Variants in SAP130 observed in about 807,000 individuals in gnomAD.
SAP130 encodes histone deacetylase complex subunit SAP130.
Under a neutral mutation model 103.2 loss-of-function variants are expected in SAP130, and 16 were observed. The ratio of observed to expected loss-of-function variants is 0.16; its 90% CI spans 0.10 to 0.24. The LOEUF is 0.24. Among genes scored for constraint, SAP130 ranks in the 10% least tolerant of loss-of-function variants. The pLI is 1.00. For missense variants in SAP130, 990 were observed against 1,359.7 expected (o/e 0.73, Z 4.28); for synonymous variants, 477 against 497.0 (o/e 0.96, Z 0.53).
At chr2:128,014,475 T>G (rs1684629869) in intron 5 of SAP130, among the ~76,000 whole-genome samples, 1 of 151,978 alleles carries the variant, frequency 6.6e-6, no homozygotes, top group Non-Finnish European at 1.5e-5. Flanking sequence ...TAGATGGGAC[T>G]ACAGACGCAT....
At chr2:128,015,520 GA>G (rs1684709811) in intron 4 of SAP130, among the ~76,000 whole-genome samples, 1 of 152,060 alleles carries the variant, frequency 6.6e-6, no homozygotes, top group South Asian at 2.1e-4. Context: ...AATGTGAAGG[GA>G]AAGTTTTTAG....
At chr2:128,005,395 T>A (rs1683881210) in intron 7 of SAP130, among the ~76,000 whole-genome samples, 1 of 152,048 alleles carries the variant, frequency 6.6e-6, no homozygotes, top group African/African-American at 2.4e-5. Flanking sequence ...GGTGGGTAAA[T>A]CACCTGAGGT....
Position 127,963,308 on chromosome 2 carries a change from T to C in SAP130, c.2064-7964A>G, listed in dbSNP as rs763214801. Among the ~76,000 whole-genome samples the C allele has an allele frequency of 1.9e-4, 29 of 152,254 alleles. No homozygotes were observed. The Middle Eastern group carries it at 0.01, about 54-fold the overall frequency. On this transcript the variant is annotated intron_variant, in intron 15 of 20. Coordinates refer to ENST00000643581, the MANE Select transcript of SAP130 (RefSeq NM_001330301.2). Reference sequence around the variant, plus strand: ...ACAGCGGCATGATGCTGGCTCACTGTAGCCTCGACCTCCCAGACTCAAGCA... The same window carrying C: ...ACAGCGGCATGATGCTGGCTCACTGCAGCCTCGACCTCCCAGACTCAAGCA...
rs1683449983 is a variant in SAP130 at position 128,000,125 on chromosome 2, T to C, written c.1039A>G (p.Thr347Ala). ...MAQKTIFSTG[T>A]PVAAATVAPI... ...GCTACTGTGGCTGCAGCCACTGGCG[T>C]GCCAGTACTGAAGATTGTTTTCTGT... The change falls in exon 9 of 21, where the codon ACG (threonine) becomes GCG (alanine). Residue 347 changes from threonine to alanine, a missense_variant. Physicochemically the swap from Thr to Ala is moderately conservative, Grantham distance 58 (BLOSUM62 0). Transcript: ENST00000643581. 3.7e-6 allele frequency: 6 copies of C among 1,614,138 alleles called. No homozygotes were observed. Among genetic ancestry groups the C allele is most frequent in the Non-Finnish European group, 5.1e-6 (6 of 1,179,988 alleles).
chr2:127,978,914 T>C (rs765869011), intron 14 of SAP130, among the ~76,000 whole-genome samples: 1 of 152,088 alleles, frequency 6.6e-6, no homozygotes, highest in Admixed American at 6.5e-5. Context: ...ATAGAACAAG[T>C]GAAATTACTC....
chr2:127,969,162 G>C (rs552488663), intron 15 of SAP130, among the ~76,000 whole-genome samples: 1 of 152,256 alleles, frequency 6.6e-6, no homozygotes, highest in South Asian at 2.1e-4. Context: ...TGGGGTGGAG[G>C]TTGGCGGGGG....
rs753593765 is a variant in SAP130, at chr2:128,000,167, C to T, written c.1018-21G>A. The stretch of plus-strand genomic sequence containing the variant: ...GTTTTCTGTGAGGGAAACCCCACAA[C>T]ACAGTTATAAGAACATTATCCACTG... On this transcript the variant is annotated intron_variant, in intron 8 of 20. Coordinates refer to ENST00000643581, the MANE Select transcript of SAP130 (RefSeq NM_001330301.2). 17 of 1,612,090 alleles carry T rather than the reference C, an allele frequency of 1.1e-5. No individual in the cohort carries two copies. In the African/African-American group the frequency reaches 1.5e-4, roughly 14 times the overall value.
At chr2:128,011,367 T>C (rs1356771398) in intron 6 of SAP130, among the ~76,000 whole-genome samples, 1 of 152,248 alleles carries the variant, frequency 6.6e-6, no homozygotes, top group African/African-American at 2.4e-5. Flanking sequence ...ATACCCACCA[T>C]TATTCTTCGA....
intron 15 of SAP130, among the ~76,000 whole-genome samples, chr2:127,975,923 C>A (rs1681428658): frequency 6.6e-6 from 1 of 152,186 alleles, no homozygotes; most frequent in Non-Finnish European, 1.5e-5. Flanking sequence ...TGGCTCACTG[C>A]AAGCTCCGCC....
At chr2:127,956,325 G>C (rs1037354145) in intron 15 of SAP130, among the ~76,000 whole-genome samples, 1 of 152,120 alleles carries the variant, frequency 6.6e-6, no homozygotes, top group Non-Finnish European at 1.5e-5. Context: ...TATGAAAATA[G>C]GTTAGTGTAC....
chr2:128,000,000 C>T (rs1286828055), intron 9 of SAP130, 56 bp downstream of exon 9: 81 of 1,542,868 alleles, frequency 5.2e-5, no homozygotes, highest in Non-Finnish European at 6.8e-5. Flanking sequence ...AAAATTAACC[C>T]ATCACTCTTG....
Position 127,941,858 on chromosome 2 carries a change from G to A in SAP130, c.*148C>T. On this transcript the variant is annotated 3_prime_UTR_variant, in exon 21 of 21. Coordinates refer to ENST00000643581, the MANE Select transcript of SAP130 (RefSeq NM_001330301.2). ...TCAGCTCTGATCCTTTCACGCCCTTGGATGTCATGGGTTCCTCTGCTTTCA... is the reference window on the plus strand; with the variant it reads ...TCAGCTCTGATCCTTTCACGCCCTTAGATGTCATGGGTTCCTCTGCTTTCA... 2 of 730,222 alleles carry A rather than the reference G, an allele frequency of 2.7e-6. No individual in the cohort carries two copies. Among genetic ancestry groups the A allele is most frequent in the Non-Finnish European group, 4.5e-6 (2 of 440,156 alleles). The allele number at this position is 730,222 out of a possible 1,614,324, so 45.2% of individuals were successfully genotyped here.
intron 11 of SAP130, among the ~76,000 whole-genome samples, chr2:127,993,649 T>C (rs1227467912): frequency 6.6e-6 from 1 of 152,180 alleles, no homozygotes; most frequent in Admixed American, 6.5e-5. Flanking sequence ...CTCAAATTGG[T>C]TTTACTGGCC....
In SAP130 at chr2:127,955,406, T is replaced by A. The variant is rs940199971; in HGVS notation, c.2064-62A>T. The A allele has an allele frequency of 3.0e-6, 3 of 992,326 alleles. No individual in the cohort carries two copies. In the African/African-American group the frequency reaches 4.9e-5, roughly 16 times the overall value. 61.5% of individuals were successfully genotyped at this position (992,326 alleles called of 1,614,324 possible). A position where few individuals can be genotyped will look rare whatever the true frequency, so the allele number is the denominator to read the frequency against. The stretch of plus-strand genomic sequence containing the variant: ...AAAAAAACTGCCTTCATCTACAACA[T>A]CTCAGAGGATGAGTATTTGTCCAAT... On this transcript the variant is annotated intron_variant, in intron 15 of 20. Coordinates refer to ENST00000643581, the MANE Select transcript of SAP130 (RefSeq NM_001330301.2). The surrounding 1 kb of genome is among the most constrained non-coding windows in gnomAD (Gnocchi z 4.9).
chr2:127,989,961 G>T lies in SAP130; in HGVS notation c.1478-95C>A. 1 of 1,096,090 alleles carries T rather than the reference G, an allele frequency of 9.1e-7. No homozygotes were observed. The highest frequency in any genetic ancestry group is 1.3e-6 in the Non-Finnish European group (1 of 770,598). 67.9% of individuals were successfully genotyped at this position (1,096,090 alleles called of 1,614,324 possible). A position where few individuals can be genotyped will look rare whatever the true frequency, so the allele number is the denominator to read the frequency against. ...ACACTAAAAACGGATTTCCTCCACT[G>T]TATAAGATCTAAATCCATGGTTTGA... On this transcript the variant is annotated intron_variant, in intron 12 of 20. Coordinates refer to ENST00000643581, the MANE Select transcript of SAP130 (RefSeq NM_001330301.2). The surrounding 1 kb of genome is among the most constrained non-coding windows in gnomAD (Gnocchi z 4.6).
intron 11 of SAP130, among the ~76,000 whole-genome samples, chr2:127,994,058 A>C (rs1244809269): frequency 2.6e-5 from 4 of 152,206 alleles, no homozygotes; most frequent in African/African-American, 9.6e-5. Flanking sequence ...AGTACCATAT[A>C]AAGTTAAATA....
At chr2:127,962,473 C>T (rs1272451644) in intron 15 of SAP130, among the ~76,000 whole-genome samples, 1 of 152,178 alleles carries the variant, frequency 6.6e-6, no homozygotes, top group African/African-American at 2.4e-5. Context: ...GACTCAGAAC[C>T]AACCTAAATG....
intron 11 of SAP130, among the ~76,000 whole-genome samples, chr2:127,994,986 A>G (rs547317515): frequency 2.4e-4 from 37 of 152,360 alleles, no homozygotes; most frequent in Middle Eastern, 3.4e-3. Flanking sequence ...AAGCATTCCT[A>G]GACACAAATG....
intron 18 of SAP130, among the ~76,000 whole-genome samples, chr2:127,947,968 T>G (rs1679224030): frequency 1.3e-5 from 1 of 79,912 alleles, no homozygotes; most frequent in African/African-American, 3.1e-5. Context: ...TTTTATATTT[T>G]CAGTAGGGAC....
Sources: gnomAD v4.1 joint callset for allele counts (sites outside exome capture counted in the v4.1 genomes callset) on GRCh38, gnomAD v4.1.1 for gene constraint, Gnocchi (gnomAD v3.1) non-coding constraint, MANE v1.5 for transcripts, NCBI Gene and HGNC (gene_info 2026-07-23, HGNC 2026-07-21) for gene names.